CADM2: variants seen among roughly 807,000 people sequenced by gnomAD.
The protein encoded by CADM2 is cell adhesion molecule 2.
CADM2 carries 12 observed loss-of-function variants against 49.8 expected under a neutral mutation model. That is an observed-to-expected ratio of 0.24 (90% confidence interval 0.15 to 0.39). The LOEUF is 0.39. Among genes scored for constraint, CADM2 ranks in the 10% least tolerant of loss-of-function variants. The pLI is 1.00. For synonymous variants in CADM2, 214 were observed against 175.4 expected (o/e 1.22, Z -1.74); for missense variants, 378 against 492.3 (o/e 0.77, Z 2.20).
At position 85,360,322 on chromosome 3, in the gene CADM2, A is replaced by G. The variant is rs181547467; in HGVS notation, c.62-366200A>G. On this transcript the variant is annotated intron_variant, in intron 1 of 9. Transcript: ENST00000383699. ...AAAATATAAAATAAGTTTTTAAAGT[A>G]TATGTTCTATCCTATCAAAAAATAG... 5.5e-4 allele frequency among the ~76,000 whole-genome samples: 83 copies of G among 152,290 alleles called. 1 individual carries two copies. The highest frequency in any genetic ancestry group is 1.8e-3 in the African/African-American group (74 of 41,564).
At position 85,808,116 on chromosome 3, in the gene CADM2, G is replaced by A. The variant is rs575640578; in HGVS notation, c.238+5920G>A. Among the ~76,000 whole-genome samples, 8 of 152,240 alleles carry A rather than the reference G, an allele frequency of 5.3e-5. No homozygotes were observed. The South Asian group carries it at 1.0e-3, about 20-fold the overall frequency. The stretch of plus-strand genomic sequence containing the variant: ...TCAGAAATCATTAGCCTACAAAGTC[G>A]AAATTCAATTACAATTCCACTTCAT... On this transcript the variant is annotated intron_variant, in intron 3 of 9. Coordinates refer to ENST00000383699, the MANE Select transcript of CADM2 (RefSeq NM_001167675.2).
chr3:85,854,585 C>T (rs916528865), intron 3 of CADM2, among the ~76,000 whole-genome samples: 2 of 152,062 alleles, frequency 1.3e-5, no homozygotes, highest in Admixed American at 6.6e-5. Flanking sequence ...ACAAAGAGAA[C>T]GCATGGACAC....
chr3:86,005,633 A>T (rs1186471218), intron 8 of CADM2, among the ~76,000 whole-genome samples: 1 of 152,140 alleles, frequency 6.6e-6, no homozygotes, highest in East Asian at 1.9e-4. Flanking sequence ...CAGGCATGCA[A>T]TGTGAAATAA....
Position 85,354,411 on chromosome 3 carries a change from A to G in CADM2, c.62-372111A>G, listed in dbSNP as rs368412963. Among the ~76,000 whole-genome samples the G allele has an allele frequency of 6.0e-5, 9 of 150,702 alleles. No individual in the cohort carries two copies. In the South Asian group the frequency reaches 1.5e-3, roughly 25 times the overall value. ...GAGATACACCTAATGCTAAATGACG[A>G]GTTAATGGGTGCAGCACACCAACAT... On this transcript the variant is annotated intron_variant, in intron 1 of 9. Coordinates refer to ENST00000383699, the MANE Select transcript of CADM2 (RefSeq NM_001167675.2).
At chr3:85,884,726 C>CT (rs954806418) in intron 4 of CADM2, among the ~76,000 whole-genome samples, 2,209 of 138,318 alleles carry the variant, frequency 0.016, 28 homozygotes, top group Middle Eastern at 0.056. Context: ...TATTCTTCTT[C>CT]TTTTTTTTTT....
chr3:85,747,927 T>G (rs2068686373), intron 2 of CADM2, among the ~76,000 whole-genome samples: 1 of 152,094 alleles, frequency 6.6e-6, no homozygotes, highest in Admixed American at 6.6e-5. Context: ...GGGCCTCATA[T>G]GAGGAGGCGT....
chr3:85,742,873 C>T (rs902238472), intron 2 of CADM2, among the ~76,000 whole-genome samples: 1 of 152,142 alleles, frequency 6.6e-6, no homozygotes, highest in African/African-American at 2.4e-5. Context: ...ATTCTACAAT[C>T]TGTTTTCTTT....
rs371715710 is a variant in CADM2 at position 85,107,631 on chromosome 3, TTTTCTTTC to T, written c.61+147983_61+147990del. Among the ~76,000 whole-genome samples, 13 of 137,944 alleles carry T rather than the reference TTTTCTTTC, an allele frequency of 9.4e-5. No individual in the cohort carries two copies. The East Asian group carries it at 1.4e-3, about 15-fold the overall frequency. 90.5% of individuals were successfully genotyped at this position (137,944 alleles called of 152,430 possible). A position where few individuals can be genotyped will look rare whatever the true frequency, so the allele number is the denominator to read the frequency against. ...TCTTTTTCTTTCTTTCTTTCTTTCT[TTTTCTTTC>T]TTTCTTTCTTTCTTTCTTTTTTTCC... On this transcript the variant is annotated intron_variant, in intron 1 of 9. Coordinates refer to ENST00000383699, the MANE Select transcript of CADM2 (RefSeq NM_001167675.2).
chr3:85,686,820 A>T (rs1348863366), intron 1 of CADM2, among the ~76,000 whole-genome samples: 1 of 152,112 alleles, frequency 6.6e-6, no homozygotes, highest in African/African-American at 2.4e-5. Context: ...AAAGAATGCA[A>T]CCATTTGTCT....
intron 1 of CADM2, among the ~76,000 whole-genome samples, chr3:85,618,722 GT>G (rs991518890): frequency 1.3e-5 from 2 of 151,860 alleles, no homozygotes; most frequent in Non-Finnish European, 2.9e-5. Context: ...TTAATTCTAT[GT>G]TTTGTATGTA....
chr3:85,108,187 T>C (rs1196394618), intron 1 of CADM2, among the ~76,000 whole-genome samples: 2 of 151,940 alleles, frequency 1.3e-5, no homozygotes, highest in African/African-American at 2.4e-5. Flanking sequence ...AATGGTTGCA[T>C]AGATAAAAAT....
rs942257463 is a variant in CADM2, at chr3:85,811,144, A to T, written c.238+8948A>T. Among the ~76,000 whole-genome samples, 27 of 152,194 alleles carry T rather than the reference A, an allele frequency of 1.8e-4. 1 individual carries two copies. The highest frequency in any genetic ancestry group is 2.6e-4 in the Admixed American group (4 of 15,284). The stretch of plus-strand genomic sequence containing the variant: ...TTAATTTTTGGACATCAAAATCAGG[A>T]TAATTTCCATATTTGATATTATATT... On this transcript the variant is annotated intron_variant, in intron 3 of 9. Transcript: ENST00000383699.
chr3:85,379,516 T>C (rs1294846872), intron 1 of CADM2, among the ~76,000 whole-genome samples: 3 of 152,000 alleles, frequency 2.0e-5, no homozygotes, highest in Non-Finnish European at 2.9e-5. Context: ...GCAAACTCTT[T>C]GACTTTCATG....
At chr3:85,810,190 G>A (rs1437525709) in intron 3 of CADM2, among the ~76,000 whole-genome samples, 1 of 152,104 alleles carries the variant, frequency 6.6e-6, no homozygotes, top group Non-Finnish European at 1.5e-5. Context: ...GCTGAGAAGG[G>A]ATAGATGTAT....
intron 1 of CADM2, among the ~76,000 whole-genome samples, chr3:85,225,236 T>G (rs2042130498): frequency 6.6e-6 from 1 of 152,178 alleles, no homozygotes; most frequent in South Asian, 2.1e-4. Flanking sequence ...TCCATGATCA[T>G]AGAATGTTCT....
At chr3:85,296,118 A>G (rs2043957653) in intron 1 of CADM2, among the ~76,000 whole-genome samples, 1 of 152,052 alleles carries the variant, frequency 6.6e-6, no homozygotes, top group Non-Finnish European at 1.5e-5. Context: ...AAGATGTCAA[A>G]TATTTTTTAA....
At chr3:85,982,547 C>G (rs541539916) in intron 8 of CADM2, among the ~76,000 whole-genome samples, 97 of 151,750 alleles carry the variant, frequency 6.4e-4, no homozygotes, top group African/African-American at 2.3e-3. Context: ...TTCCTTCTAT[C>G]CTCATCAAAC....
chr3:85,353,501 T>C (rs2107246811), intron 1 of CADM2, among the ~76,000 whole-genome samples: 1 of 152,104 alleles, frequency 6.6e-6, no homozygotes, highest in South Asian at 2.1e-4. Context: ...TGCTTTGTAT[T>C]AATTATATTT....
intron 5 of CADM2, among the ~76,000 whole-genome samples, chr3:85,889,003 A>G (rs1012672819): frequency 5.3e-5 from 8 of 152,122 alleles, no homozygotes; most frequent in African/African-American, 1.9e-4. Flanking sequence ...CAGGCTAATC[A>G]AATTCAATTA....
Sources: allele counts gnomAD v4.1 joint callset (sites outside exome capture counted in the v4.1 genomes callset), GRCh38; gene constraint gnomAD v4.1.1; transcripts MANE v1.5; gene names NCBI Gene and HGNC (gene_info 2026-07-23, HGNC 2026-07-21).